CNKSR3: variants seen among roughly 807,000 people sequenced by gnomAD.
CNKSR3 encodes CNKSR family member 3, also known as connector enhancer of kinase suppressor of ras 3.
In CNKSR3, 36 loss-of-function variants were observed where a neutral mutation model predicts 67.7. The ratio of observed to expected loss-of-function variants is 0.53; its 90% CI spans 0.41 to 0.70. The LOEUF is 0.70. Among genes scored for constraint, CNKSR3 ranks in the 30% least tolerant of loss-of-function variants. The pLI is 0.00. For synonymous variants in CNKSR3, 281 were observed against 271.4 expected (o/e 1.04, Z -0.35); for missense variants, 630 against 695.2 (o/e 0.91, Z 1.05).
chr6:154,399,902 A>T lies in CNKSR3; in HGVS notation c.*6452T>A, dbSNP rs1020741023. On this transcript the variant is annotated 3_prime_UTR_variant, in exon 13 of 13. Coordinates refer to ENST00000607772, the MANE Select transcript of CNKSR3 (RefSeq NM_173515.4). ...TTAAATCCTCCCCTTTAATGGGTCT[A>T]GTCAGTGGAAGAACATTTCTCTCAT... 2 of 152,284 alleles carry T rather than the reference A, an allele frequency of 1.3e-5. No homozygotes were observed. Among genetic ancestry groups the T allele is most frequent in the Middle Eastern group, 6.8e-3 (2 of 294 alleles). The allele number at this position is 152,284 out of a possible 1,614,324, so 9.4% of individuals were successfully genotyped here.
intron 2 of CNKSR3, among the ~76,000 whole-genome samples, chr6:154,446,211 T>C (rs1286820799): frequency 2.0e-5 from 3 of 152,098 alleles, no homozygotes; most frequent in Non-Finnish European, 4.4e-5. Context: ...AGAGAAACCA[T>C]ACACTAAATG....
chr6:154,499,384 A>G (rs1359859313), intron 1 of CNKSR3, among the ~76,000 whole-genome samples: 1 of 152,138 alleles, frequency 6.6e-6, no homozygotes, highest in Non-Finnish European at 1.5e-5. Context: ...TTCCCTGAGG[A>G]GTCTGTTAGC....
At chr6:154,489,078 A>C (rs1786732185) in intron 1 of CNKSR3, among the ~76,000 whole-genome samples, 1 of 152,062 alleles carries the variant, frequency 6.6e-6, no homozygotes, top group Admixed American at 6.6e-5. Flanking sequence ...ATCAATTCCC[A>C]TTCATTTCAA....
Position 154,500,770 on chromosome 6 carries a change from A to G in CNKSR3, c.52+9293T>C, listed in dbSNP as rs1304946031. Among the ~76,000 whole-genome samples, 6 of 152,252 alleles carry G rather than the reference A, an allele frequency of 3.9e-5. No homozygotes were observed. In the East Asian group the frequency reaches 9.6e-4, roughly 24 times the overall value. ...ACTCAAATACTTTAAAAGTTTTCAC[A>G]TAGAAAGCTTTCTAATTTCTACATC... On this transcript the variant is annotated intron_variant, in intron 1 of 12. Coordinates refer to ENST00000607772, the MANE Select transcript of CNKSR3 (RefSeq NM_173515.4).
At position 154,445,347 on chromosome 6, in the gene CNKSR3, G is replaced by A. The variant is rs1028038481; in HGVS notation, c.217-3057C>T. On this transcript the variant is annotated intron_variant, in intron 2 of 12. Coordinates refer to ENST00000607772, the MANE Select transcript of CNKSR3 (RefSeq NM_173515.4). ...TATAATAATATTGTCCTTCAATAGA[G>A]AGACAAAAATAAGATGGATTTGCAT... 9.2e-5 allele frequency among the ~76,000 whole-genome samples: 14 copies of A among 152,002 alleles called. 1 individual carries two copies.
intron 1 of CNKSR3, among the ~76,000 whole-genome samples, chr6:154,480,949 T>G (rs1202532051): frequency 6.6e-6 from 1 of 151,992 alleles, no homozygotes; most frequent in Non-Finnish European, 1.5e-5. Flanking sequence ...AGCAGTCTTA[T>G]GCATATTTGA....
chr6:154,484,760 C>T (rs1786634478), intron 1 of CNKSR3, among the ~76,000 whole-genome samples: 1 of 151,468 alleles, frequency 6.6e-6, no homozygotes, highest in Non-Finnish European at 1.5e-5. Context: ...ATGATTATCC[C>T]CTTCCCCCTC....
At chr6:154,499,525 G>C (rs528381177) in intron 1 of CNKSR3, among the ~76,000 whole-genome samples, 1 of 152,222 alleles carries the variant, frequency 6.6e-6, no homozygotes, top group Non-Finnish European at 1.5e-5. Context: ...ACAGGATGTT[G>C]AGACGCCCCG....
At chr6:154,497,072 T>C (rs1262501642) in intron 1 of CNKSR3, among the ~76,000 whole-genome samples, 1 of 152,110 alleles carries the variant, frequency 6.6e-6, no homozygotes, top group Non-Finnish European at 1.5e-5. Flanking sequence ...AGCAAGAGCC[T>C]GGCCCTTAAA....
intron 1 of CNKSR3, among the ~76,000 whole-genome samples, chr6:154,481,096 TTTA>T: frequency 6.6e-6 from 1 of 152,192 alleles, no homozygotes; most frequent in Middle Eastern, 3.2e-3. Context: ...TCGATATTTA[TTTA>T]TTTTGCTTAT....
intron 1 of CNKSR3, among the ~76,000 whole-genome samples, chr6:154,469,608 A>G (rs1786279306): frequency 6.6e-6 from 1 of 152,142 alleles, no homozygotes; most frequent in South Asian, 2.1e-4. Flanking sequence ...CACCAGTCCT[A>G]TGTTCTTTTG....
intron 1 of CNKSR3, among the ~76,000 whole-genome samples, chr6:154,490,510 T>C (rs936437032): frequency 6.6e-6 from 1 of 152,256 alleles, no homozygotes; most frequent in African/African-American, 2.4e-5. Context: ...ATATGTATAA[T>C]GTATCTATTA....
intron 2 of CNKSR3, among the ~76,000 whole-genome samples, chr6:154,443,592 C>T (rs1392124172): frequency 1.3e-5 from 2 of 152,156 alleles, no homozygotes; most frequent in East Asian, 3.8e-4. Flanking sequence ...TACCGTATTT[C>T]CAGCACAGTG....
chr6:154,411,744 G>T (rs1166599953), intron 10 of CNKSR3, among the ~76,000 whole-genome samples: 2 of 151,530 alleles, frequency 1.3e-5, no homozygotes, highest in Admixed American at 1.3e-4. Context: ...GTGTGTAGCT[G>T]AATATCCTAT....
At chr6:154,448,232 C>G (rs970952635) in intron 2 of CNKSR3, among the ~76,000 whole-genome samples, 17 of 152,010 alleles carry the variant, frequency 1.1e-4, no homozygotes, top group Admixed American at 8.5e-4. Flanking sequence ...GCAGCTGTTA[C>G]GTTTATCATC....
chr6:154,432,173 T>G (rs965364610), intron 5 of CNKSR3, among the ~76,000 whole-genome samples: 1 of 152,228 alleles, frequency 6.6e-6, no homozygotes, highest in Non-Finnish European at 1.5e-5. Context: ...GCGTTTGGTG[T>G]TGTCAGTGTT....
At position 154,510,101 on chromosome 6, in the gene CNKSR3, G is replaced by C. The variant is rs751728018; in HGVS notation, c.14C>G (p.Thr5Ser). 1 of 1,614,122 alleles carries C rather than the reference G, an allele frequency of 6.2e-7. No individual in the cohort carries two copies. The highest frequency in any genetic ancestry group is 8.5e-7 in the Non-Finnish European group (1 of 1,180,014). Residue 5 changes from threonine to serine, a missense_variant, in exon 1 of 13, where the codon ACC becomes AGC. By Grantham distance (58) the Thr-to-Ser change is moderately conservative. Around this residue, in one of 3 missense-constraint regions of CNKSR3, gnomAD observed 189 missense variants for 205.0 expected, o/e 0.92. Transcript: ENST00000607772. MEPV[T>S]KWSPKQVVDW... ...CACCACTTGTTTGGGGCTCCACTTG[G>C]TCACGGGTTCCATGGTAAACCGCTT...
At chr6:154,474,686 C>A (rs9784846) in intron 1 of CNKSR3, among the ~76,000 whole-genome samples, 4,089 of 152,206 alleles carry the variant, frequency 0.027, 146 homozygotes, top group African/African-American at 0.081. Context: ...CAGCCGTAGA[C>A]TATAGTGTCA....
At chr6:154,479,801 C>T (rs1786530089) in intron 1 of CNKSR3, among the ~76,000 whole-genome samples, 3 of 152,156 alleles carry the variant, frequency 2.0e-5, no homozygotes, top group Non-Finnish European at 4.4e-5. Context: ...AGAGAAAGCA[C>T]CTGGAAGAGA....
Sources: gnomAD v4.1 joint callset for allele counts (sites outside exome capture counted in the v4.1 genomes callset) on GRCh38, gnomAD v4.1.1 for gene constraint, gnomAD v4.1.1 regional missense constraint, MANE v1.5 for transcripts, NCBI Gene and HGNC (gene_info 2026-07-23, HGNC 2026-07-21) for gene names.